CRIM1: variants seen among roughly 807,000 people sequenced by gnomAD.
CRIM1 encodes the protein cysteine rich transmembrane BMP regulator 1, also known as cysteine-rich motor neuron 1 protein.
Under a neutral mutation model 116.4 loss-of-function variants are expected in CRIM1, and 32 were observed. The ratio of observed to expected loss-of-function variants is 0.27; its 90% CI spans 0.21 to 0.37. The LOEUF is 0.37. Among genes scored for constraint, CRIM1 ranks in the 10% least tolerant of loss-of-function variants. The pLI is 1.00. For missense variants in CRIM1, 1,331 were observed against 1,354.8 expected (o/e 0.98, Z 0.28); for synonymous variants, 590 against 509.2 (o/e 1.16, Z -2.13).
intron 1 of CRIM1, among the ~76,000 whole-genome samples, chr2:36,383,181 G>A (rs991222449): frequency 9.9e-5 from 15 of 152,182 alleles, no homozygotes; most frequent in African/African-American, 3.1e-4. Flanking sequence ...AAAAAGGACT[G>A]AGTGATGCAT....
intron 5 of CRIM1, among the ~76,000 whole-genome samples, chr2:36,465,939 G>T (rs937925314): frequency 6.6e-6 from 1 of 150,894 alleles, no homozygotes; most frequent in Non-Finnish European, 1.5e-5. Flanking sequence ...AGGCTGGAGT[G>T]CAGTGGCGCA....
chr2:36,454,098 T>C (rs998728428), intron 4 of CRIM1, among the ~76,000 whole-genome samples: 20 of 152,178 alleles, frequency 1.3e-4, no homozygotes, highest in Admixed American at 1.3e-3. Flanking sequence ...CTTCTTAGTA[T>C]GGTAGGCAAG....
At chr2:36,537,282 C>A (rs530170289) in intron 13 of CRIM1, 70 bp from the exon 14 acceptor site, 8 of 1,385,388 alleles carry the variant, frequency 5.8e-6, no homozygotes, top group Middle Eastern at 1.9e-4. Context: ...ATCCCTTGAT[C>A]TCTCACGTCT....
rs1331376933 is a variant in CRIM1 at position 36,549,665 on chromosome 2, T to C, written c.*964T>C. The C allele has an allele frequency of 6.6e-6, 1 of 152,528 alleles. No homozygotes were observed. The highest frequency in any genetic ancestry group is 1.5e-5 in the Non-Finnish European group (1 of 68,010). The allele number at this position is 152,528 out of a possible 1,614,324, so 9.4% of individuals were successfully genotyped here. ...ACTGTTTGGGGATTCTTTTTCCTTATTATATACTGATTCTACAAAATAGAA... is the reference window on the plus strand; with the variant it reads ...ACTGTTTGGGGATTCTTTTTCCTTACTATATACTGATTCTACAAAATAGAA... On this transcript the variant is annotated 3_prime_UTR_variant, in exon 17 of 17. Transcript: ENST00000280527.
chr2:36,375,132 G>A (rs147718115), intron 1 of CRIM1, among the ~76,000 whole-genome samples: 59 of 151,858 alleles, frequency 3.9e-4, no homozygotes, highest in Non-Finnish European at 7.4e-4. Context: ...TGCATATGCC[G>A]TATGCTTTGC....
intron 1 of CRIM1, among the ~76,000 whole-genome samples, chr2:36,373,591 T>C (rs1670092195): frequency 6.6e-6 from 1 of 152,052 alleles, no homozygotes; most frequent in Admixed American, 6.5e-5. Context: ...GATGGGGCAT[T>C]TTGAGAGGTA....
chr2:36,477,042 C>A lies in CRIM1; in HGVS notation c.1145C>A (p.Pro382His), dbSNP rs1346330912. 1 of 1,613,558 alleles carries A rather than the reference C, an allele frequency of 6.2e-7. No individual in the cohort carries two copies. The highest frequency in any genetic ancestry group is 8.5e-7 in the Non-Finnish European group (1 of 1,179,794). ...ATAAACTGCGAGAGGTACTACGTGC[C>A]CGAAGGAGAGTGCTGCCCAGTGTGT... is the stretch of plus-strand genomic sequence containing the variant. ...GEINCERYYV[P>H]EGECCPVCED... The change falls in exon 6 of 17, where the codon CCC (proline) becomes CAC (histidine). Residue 382 changes from proline to histidine, a missense_variant. Coordinates refer to ENST00000280527, the MANE Select transcript of CRIM1 (RefSeq NM_016441.3).
rs1056994933 is a variant in CRIM1, at chr2:36,549,645, T to C, written c.*944T>C. On this transcript the variant is annotated 3_prime_UTR_variant, in exon 17 of 17. Coordinates refer to ENST00000280527, the MANE Select transcript of CRIM1 (RefSeq NM_016441.3). ...AAGAAACTTTTTTTAAAAAGACTGT[T>C]TGGGGATTCTTTTTCCTTATTATAT... The C allele has an allele frequency of 5.3e-5, 8 of 152,370 alleles. No homozygotes were observed. The highest frequency in any genetic ancestry group is 4.6e-4 in the Admixed American group (7 of 15,258). 9.4% of individuals were successfully genotyped at this position (152,370 alleles called of 1,614,324 possible).
chr2:36,408,754 C>T (rs572017721), intron 2 of CRIM1, among the ~76,000 whole-genome samples: 73 of 151,758 alleles, frequency 4.8e-4, no homozygotes, highest in African/African-American at 1.7e-3. Context: ...TTGGACAACT[C>T]AACCAAGCTG....
intron 4 of CRIM1, among the ~76,000 whole-genome samples, chr2:36,450,751 C>G (rs1025082566): frequency 2.2e-4 from 33 of 152,324 alleles, no homozygotes; most frequent in African/African-American, 7.5e-4. Context: ...CGAAGGTCAT[C>G]AATGTCGTTT....
chr2:36,374,615 T>C (rs1670179497), intron 1 of CRIM1, among the ~76,000 whole-genome samples: 1 of 152,214 alleles, frequency 6.6e-6, no homozygotes, highest in Non-Finnish European at 1.5e-5. Flanking sequence ...TTGTACTGAC[T>C]GCAGTGTTAC....
At chr2:36,375,625 C>G (rs1670263560) in intron 1 of CRIM1, among the ~76,000 whole-genome samples, 1 of 151,954 alleles carries the variant, frequency 6.6e-6, no homozygotes, top group Non-Finnish European at 1.5e-5. Flanking sequence ...AGATATATAC[C>G]AATCAACATA....
At chr2:36,439,390 G>A (rs977671956) in intron 2 of CRIM1, among the ~76,000 whole-genome samples, 4 of 152,128 alleles carry the variant, frequency 2.6e-5, no homozygotes, top group African/African-American at 9.7e-5. Flanking sequence ...TTCTAAGAAG[G>A]GACCTGTTTT....
chr2:36,533,653 GTTCT>G (rs1421722847), intron 13 of CRIM1, among the ~76,000 whole-genome samples: 1 of 152,122 alleles, frequency 6.6e-6, no homozygotes, highest in African/African-American at 2.4e-5. Context: ...CAGAGTGGTT[GTTCT>G]TTCTCATAAT....
intron 7 of CRIM1, among the ~76,000 whole-genome samples, chr2:36,480,431 G>A (rs1679319678): frequency 6.6e-6 from 1 of 152,120 alleles, no homozygotes; most frequent in Admixed American, 6.5e-5. Flanking sequence ...CTAATAGAGG[G>A]TATCCAGCAT....
intron 1 of CRIM1, among the ~76,000 whole-genome samples, chr2:36,376,142 A>G (rs140224604): frequency 2.0e-5 from 3 of 152,348 alleles, no homozygotes; most frequent in African/African-American, 7.2e-5. Context: ...GTTGGAACCA[A>G]TTTATAAAAC....
chr2:36,466,718 T>A (rs1206494648), intron 5 of CRIM1, among the ~76,000 whole-genome samples: 1 of 152,238 alleles, frequency 6.6e-6, no homozygotes, highest in Non-Finnish European at 1.5e-5. Flanking sequence ...AGCCAGTGAA[T>A]GATCTAATTC....
chr2:36,513,985 C>G (rs527621975), intron 11 of CRIM1, among the ~76,000 whole-genome samples: 1 of 152,202 alleles, frequency 6.6e-6, no homozygotes, highest in Non-Finnish European at 1.5e-5. Context: ...AATGGCTCTC[C>G]TCCTTTTTGA....
rs1329043963 is a variant in CRIM1, at chr2:36,356,766, T to C, written c.331+143T>C. ...GGGGCGGCCGCCGCCCCCAGGAGAG[T>C]GCCCCCGCGGCCCTGCGTTCCCTCT... On this transcript the variant is annotated intron_variant, in intron 1 of 16. Coordinates refer to ENST00000280527, the MANE Select transcript of CRIM1 (RefSeq NM_016441.3). The surrounding 1 kb of genome is among the most constrained non-coding windows in gnomAD (Gnocchi z 4.3). 1 of 777,254 alleles carries C rather than the reference T, an allele frequency of 1.3e-6. No homozygotes were observed. Among genetic ancestry groups the C allele is most frequent in the Non-Finnish European group, 2.0e-6 (1 of 498,724 alleles). 48.1% of individuals were successfully genotyped at this position (777,254 alleles called of 1,614,324 possible). A position where few individuals can be genotyped will look rare whatever the true frequency, so the allele number is the denominator to read the frequency against.
Sources: gnomAD v4.1 joint callset for allele counts (sites outside exome capture counted in the v4.1 genomes callset) on GRCh38, gnomAD v4.1.1 for gene constraint, Gnocchi (gnomAD v3.1) non-coding constraint, MANE v1.5 for transcripts, NCBI Gene and HGNC (gene_info 2026-07-23, HGNC 2026-07-21) for gene names.